CCDC102B: variants seen among roughly 807,000 people sequenced by gnomAD.
CCDC102B encodes the protein coiled-coil domain-containing protein 102B.
CCDC102B carries 75 observed loss-of-function variants against 57.4 expected under a neutral mutation model. The ratio of observed to expected loss-of-function variants is 1.31; its 90% CI spans 1.08 to 1.58. The LOEUF (loss-of-function observed/expected upper bound fraction) is 1.58, where lower values mean the gene tolerates loss of function less well. Ranked by LOEUF, CCDC102B falls within the 40% of genes most tolerant of loss-of-function variation. The pLI is 0.00. For missense variants in CCDC102B, 636 were observed against 582.6 expected (o/e 1.09, Z -0.94); for synonymous variants, 206 against 201.9 (o/e 1.02, Z -0.17).
intron 6 of CCDC102B, among the ~76,000 whole-genome samples, chr18:68,970,739 T>G (rs1447344727): frequency 6.6e-6 from 1 of 152,056 alleles, no homozygotes; most frequent in Non-Finnish European, 1.5e-5. Flanking sequence ...TTATCAATCC[T>G]TTTCAAATAA....
At chr18:68,736,991 C>T (rs1049817110) in intron 2 of CCDC102B, among the ~76,000 whole-genome samples, 16 of 151,882 alleles carry the variant, frequency 1.1e-4, no homozygotes, top group African/African-American at 2.9e-4. Context: ...TGGCACACAC[C>T]TCAACTGCAC....
At chr18:68,794,141 C>G (rs2035553995), upstream of CCDC102B, among the ~76,000 whole-genome samples, 1 of 152,224 alleles carries the variant, frequency 6.6e-6, no homozygotes, top group South Asian at 2.1e-4. Flanking sequence ...TCTTTTCCTC[C>G]CATCACTGAA....
chr18:69,041,249 C>T (rs936887270), intron 7 of CCDC102B, among the ~76,000 whole-genome samples: 2 of 152,092 alleles, frequency 1.3e-5, no homozygotes, highest in Non-Finnish European at 2.9e-5. Context: ...GCATTAGTTA[C>T]ATTGAGCTTA....
chr18:68,717,173 A>G (rs116013678), intron 2 of CCDC102B, among the ~76,000 whole-genome samples: 475 of 152,108 alleles, frequency 3.1e-3, no homozygotes, highest in African/African-American at 0.011. Flanking sequence ...GGGCCAGGGA[A>G]GTTGAGGTTG....
chr18:68,890,355 C>T (rs994028486), intron 5 of CCDC102B, among the ~76,000 whole-genome samples: 1 of 152,112 alleles, frequency 6.6e-6, no homozygotes, highest in South Asian at 2.1e-4. Context: ...CTCATCTCAG[C>T]CTCCTGAGTA....
At chr18:68,725,804 C>T (rs2032567671) in intron 2 of CCDC102B, among the ~76,000 whole-genome samples, 1 of 152,168 alleles carries the variant, frequency 6.6e-6, no homozygotes, top group Non-Finnish European at 1.5e-5. Flanking sequence ...TTTTGATTGA[C>T]TGAGCAGACT....
At chr18:68,854,651 G>C (rs1176387302) in intron 4 of CCDC102B, among the ~76,000 whole-genome samples, 3 of 152,078 alleles carry the variant, frequency 2.0e-5, no homozygotes, top group Non-Finnish European at 4.4e-5. Context: ...ATCACCCTGA[G>C]GACAGAAACC....
intron 6 of CCDC102B, among the ~76,000 whole-genome samples, chr18:68,932,369 A>C (rs780725565): frequency 6.6e-6 from 1 of 151,912 alleles, no homozygotes; most frequent in African/African-American, 2.4e-5. Context: ...ATTTGTATAG[A>C]TATAAGTCAT....
chr18:68,898,368 T>G lies in CCDC102B; in HGVS notation c.1263+940T>G, dbSNP rs1028083287. ...TTCTTTCATGAATCTAGGGATTTATTGCAAATGCAAGATTAAATTGTATTA... is the reference window on the plus strand; with the variant it reads ...TTCTTTCATGAATCTAGGGATTTATGGCAAATGCAAGATTAAATTGTATTA... On this transcript the variant is annotated intron_variant, in intron 6 of 7. Coordinates refer to ENST00000360242, the MANE Select transcript of CCDC102B (RefSeq NM_024781.3). Among the ~76,000 whole-genome samples the G allele has an allele frequency of 7.2e-5, 11 of 152,132 alleles. 1 individual carries two copies. Among genetic ancestry groups the G allele is most frequent in the African/African-American group, 2.4e-4 (10 of 41,452 alleles).
chr18:69,049,948 T>C (rs946480985), intron 7 of CCDC102B, among the ~76,000 whole-genome samples: 4 of 152,090 alleles, frequency 2.6e-5, no homozygotes, highest in African/African-American at 7.2e-5. Context: ...TAGCTGGGAT[T>C]ACAGGTGCCC....
In CCDC102B at chr18:68,864,132, C is replaced by T. The variant is rs115786550; in HGVS notation, c.937-10537C>T. Among the ~76,000 whole-genome samples the T allele has an allele frequency of 4.0e-3, 611 of 152,052 alleles. 9 individuals are homozygous for T. The highest frequency in any genetic ancestry group is 0.013 in the African/African-American group (557 of 41,540). On this transcript the variant is annotated intron_variant, in intron 4 of 7. Transcript: ENST00000360242. ...ATTATTTTTGCCTCTCTTTATTGGT[C>T]ATAGTTTCTGAAACCCTTTTTAATC... is the stretch of plus-strand genomic sequence containing the variant.
chr18:68,915,418 T>G (rs539846130), intron 6 of CCDC102B, among the ~76,000 whole-genome samples: 2 of 152,236 alleles, frequency 1.3e-5, no homozygotes, highest in Non-Finnish European at 2.9e-5. Flanking sequence ...TTTTTCTAAA[T>G]ATATGGTTTA....
chr18:68,884,063 G>T (rs1337572877), intron 5 of CCDC102B, among the ~76,000 whole-genome samples: 1 of 152,142 alleles, frequency 6.6e-6, no homozygotes, highest in Non-Finnish European at 1.5e-5. Flanking sequence ...TACACTGTTG[G>T]TGGGAATATA....
intron 6 of CCDC102B, among the ~76,000 whole-genome samples, chr18:68,934,618 C>T (rs1000707387): frequency 2.0e-5 from 3 of 151,780 alleles, no homozygotes; most frequent in African/African-American, 7.3e-5. Flanking sequence ...CATATAAAAA[C>T]AGATAAAATA....
intron 6 of CCDC102B, among the ~76,000 whole-genome samples, chr18:68,902,841 T>C (rs2040500857): frequency 6.6e-6 from 1 of 152,218 alleles, no homozygotes; most frequent in South Asian, 2.1e-4. Context: ...TGTCTAGTTG[T>C]TTGTGAGATC....
At chr18:68,840,893 G>A (rs1399980477) in intron 3 of CCDC102B, among the ~76,000 whole-genome samples, 1 of 152,164 alleles carries the variant, frequency 6.6e-6, no homozygotes, top group Non-Finnish European at 1.5e-5. Flanking sequence ...AATTCTCAGA[G>A]TAAGTACATT....
chr18:68,913,674 A>AAC (rs2040964174), intron 6 of CCDC102B, among the ~76,000 whole-genome samples: 3 of 120,000 alleles, frequency 2.5e-5, no homozygotes, highest in African/African-American at 9.6e-5. Context: ...AAAAAAAAGC[A>AAC]AAAACAAAGA....
chr18:68,876,267 G>C (rs1419611411), intron 5 of CCDC102B, among the ~76,000 whole-genome samples: 1 of 152,130 alleles, frequency 6.6e-6, no homozygotes, highest in African/African-American at 2.4e-5. Flanking sequence ...CAATGGTGTG[G>C]GATGTAGAAA....
chr18:69,002,893 C>T (rs960817282), intron 6 of CCDC102B, among the ~76,000 whole-genome samples: 2 of 152,136 alleles, frequency 1.3e-5, no homozygotes, highest in South Asian at 4.1e-4. Context: ...ATCTGACTCT[C>T]TTCCCCCTTT....
Sources: allele counts gnomAD v4.1 joint callset (sites outside exome capture counted in the v4.1 genomes callset), GRCh38; gene constraint gnomAD v4.1.1; transcripts MANE v1.5; gene names NCBI Gene and HGNC (gene_info 2026-07-23, HGNC 2026-07-21).